The following STK3 variants were observed in gnomAD, a reference collection of about 807,000 sequenced individuals.
The protein encoded by STK3 is serine/threonine-protein kinase 3.
A neutral mutation model predicts 58.0 loss-of-function variants in STK3; 41 were observed. The ratio of observed to expected loss-of-function variants is 0.71; its 90% CI spans 0.55 to 0.92. The LOEUF (loss-of-function observed/expected upper bound fraction) is 0.92. Ranked by LOEUF, STK3 falls within the 40% of genes least tolerant of loss-of-function variation. The pLI is 0.00. For missense variants in STK3, 479 were observed against 602.7 expected, an observed-to-expected ratio of 0.79 and a Z score of 2.15; for synonymous variants, 170 against 191.0, an observed-to-expected ratio of 0.89 and a Z score of 0.91.
Position 98,553,314 on chromosome 8 carries a change from T to G in STK3, c.949-5153A>C, listed in dbSNP as rs555035877. On this transcript the variant is annotated intron_variant, in intron 8 of 10. Coordinates refer to ENST00000419617, the MANE Select transcript of STK3 (RefSeq NM_006281.4). ...TGCTGATTTTACAGTACTGTAATTG[T>G]CTATTCACTTACCTTGTCTAAATCC... The G allele has an allele frequency of 2.0e-5, 3 of 152,280 alleles. No individual in the cohort carries two copies. In the South Asian group the frequency reaches 6.2e-4, roughly 32 times the overall value. 9.4% of individuals were successfully genotyped at this position (152,280 alleles called of 1,614,324 possible).
chr8:98,861,543 TCA>T, intron 3 of STK3, among the ~76,000 whole-genome samples: 1 of 152,016 alleles, frequency 6.6e-6, no homozygotes, highest in Non-Finnish European at 1.5e-5. Flanking sequence ...AGACGGGGTT[TCA>T]CAGTGTTGCC....
intron 3 of STK3, among the ~76,000 whole-genome samples, chr8:98,841,500 C>T (rs1835979381): frequency 6.6e-6 from 1 of 151,566 alleles, no homozygotes; most frequent in African/African-American, 2.4e-5. Context: ...AATAATTCTA[C>T]CATTTCACCT....
intron 1 of STK3, among the ~76,000 whole-genome samples, chr8:98,884,105 C>T (rs1213160249): frequency 3.3e-5 from 5 of 152,144 alleles, no homozygotes; most frequent in Non-Finnish European, 5.9e-5. Flanking sequence ...CGTCACTGAG[C>T]CCTTACCACC....
rs761932638 is a variant in STK3 at position 98,429,054 on chromosome 8, G to T, written n.483+5073C>A. On this transcript the variant is annotated intron_variant and non_coding_transcript_variant, in intron 3 of 3. Coordinates refer to the STK3 transcript ENST00000517832. ...TGAAAAGGAGGAGAACGAGGGCCTGGCCACCATCCCTGCCTGCTGGTGGTG... is the reference window on the plus strand; with the variant it reads ...TGAAAAGGAGGAGAACGAGGGCCTGTCCACCATCCCTGCCTGCTGGTGGTG... 5 of 1,613,110 alleles carry T rather than the reference G, an allele frequency of 3.1e-6. No individual in the cohort carries two copies. The Admixed American group carries it at 5.0e-5, about 16-fold the overall frequency.
chr8:98,427,141 C>G (rs1015496261), intron 3 of STK3: 1 of 149,916 alleles, frequency 6.7e-6, no homozygotes, highest in African/African-American at 2.4e-5. Flanking sequence ...TCGGCAGCTG[C>G]GGGCGGCGGC....
At chr8:98,903,578 G>T (rs1838769247) in intron 1 of STK3, among the ~76,000 whole-genome samples, 1 of 121,442 alleles carries the variant, frequency 8.2e-6, no homozygotes. Flanking sequence ...TTTAAGTGGG[G>T]CCTTGCTCTG....
chr8:98,818,698 A>C (rs16897111), intron 1 of STK3, among the ~76,000 whole-genome samples: 5,156 of 152,300 alleles, frequency 0.034, 116 homozygotes, highest in South Asian at 0.068. Context: ...AATTATCATT[A>C]ATGTTAACAC....
At chr8:98,728,310 A>G (rs1827930090) in intron 4 of STK3, among the ~76,000 whole-genome samples, 1 of 152,272 alleles carries the variant, frequency 6.6e-6, no homozygotes, top group African/African-American at 2.4e-5. Context: ...TCTTCTGTTC[A>G]ACACAAAGTA....
At chr8:98,583,782 G>C (rs1477472422) in intron 7 of STK3, among the ~76,000 whole-genome samples, 1 of 151,778 alleles carries the variant, frequency 6.6e-6, no homozygotes, top group African/African-American at 2.4e-5. Flanking sequence ...GTCTATATTA[G>C]TTTAAGAAGT....
chr8:98,568,319 G>C (rs1269695820), intron 8 of STK3, among the ~76,000 whole-genome samples: 2 of 152,066 alleles, frequency 1.3e-5, no homozygotes, highest in African/African-American at 4.8e-5. Flanking sequence ...ACAGTATATG[G>C]GAGATGTCAA....
intron 6 of STK3, among the ~76,000 whole-genome samples, chr8:98,649,602 T>C (rs1820711592): frequency 6.6e-6 from 1 of 152,220 alleles, no homozygotes; most frequent in South Asian, 2.1e-4. Context: ...CATATTAAAT[T>C]CCCAACAGAC....
In STK3 at chr8:98,825,515, C is replaced by A; in HGVS notation, c.26G>T (p.Ser9Ile). 6.9e-7 allele frequency: 1 copy of A among 1,458,374 alleles called. No homozygotes were observed. Among genetic ancestry groups the A allele is most frequent in the Non-Finnish European group, 9.1e-7 (1 of 1,099,792 alleles). The allele number at this position is 1,458,374 out of a possible 1,614,324, so 90.3% of individuals were successfully genotyped here. ...TTCTTCCCGCTCCCCGATTCGTTACCTCTTAGGCGCCGGCGGCTGCTCCAT... is the reference window on the plus strand; with the variant it reads ...TTCTTCCCGCTCCCCGATTCGTTACATCTTAGGCGCCGGCGGCTGCTCCAT... Reference protein sequence around the residue: MEQPPAPKSKLKKLSEDSL... With the variant: MEQPPAPKIKLKKLSEDSL... The change falls in exon 1 of 11, where the codon AGT becomes ATT. Residue 9 changes from serine (S) to isoleucine (I), a missense_variant and splice_region_variant. By Grantham distance (142) the Ser-to-Ile change is moderately radical (BLOSUM62 -2). Around this residue, in one of 3 missense-constraint regions of STK3, gnomAD observed 44 missense variants for 37.0 expected, o/e 1.19. Transcript: ENST00000419617.
intron 10 of STK3, among the ~76,000 whole-genome samples, chr8:98,505,281 G>C (rs1282054198): frequency 2.0e-5 from 3 of 152,108 alleles, no homozygotes; most frequent in African/African-American, 7.2e-5. Flanking sequence ...ATTCTAGTTA[G>C]CCATTAGTCT....
At chr8:98,587,817 T>C (rs1814799868) in intron 7 of STK3, among the ~76,000 whole-genome samples, 1 of 152,178 alleles carries the variant, frequency 6.6e-6, no homozygotes, top group African/African-American at 2.4e-5. Context: ...TATAGTTAGC[T>C]CTTCTTGTTG....
At chr8:98,725,484 C>A (rs1827733107) in intron 4 of STK3, among the ~76,000 whole-genome samples, 1 of 152,056 alleles carries the variant, frequency 6.6e-6, no homozygotes, top group Non-Finnish European at 1.5e-5. Context: ...GTTAAAAGTA[C>A]AGATAATTAT....
At chr8:98,480,295 CAGAG>C (rs141390683) in intron 10 of STK3, among the ~76,000 whole-genome samples, 3,549 of 151,966 alleles carry the variant, frequency 0.023, 337 homozygotes, top group East Asian at 0.17. Flanking sequence ...TGAAAGGAGA[CAGAG>C]AGAAAAAAAC....
intron 1 of STK3, among the ~76,000 whole-genome samples, chr8:98,903,895 GA>G (rs1464423967): frequency 6.6e-6 from 1 of 152,100 alleles, no homozygotes; most frequent in East Asian, 1.9e-4. Flanking sequence ...TCAGCCTAAA[GA>G]AATAAGAAAC....
At chr8:98,512,545 A>T (rs916888367) in intron 10 of STK3, among the ~76,000 whole-genome samples, 16 of 152,198 alleles carry the variant, frequency 1.1e-4, no homozygotes, top group African/African-American at 3.9e-4. Context: ...TATTTGTATG[A>T]AGCTAAAAAT....
the STK3 span, among the ~76,000 whole-genome samples, chr8:98,350,063 C>T: frequency 6.6e-6 from 1 of 152,150 alleles, no homozygotes; most frequent in Non-Finnish European, 1.5e-5. Context: ...CATTGTCAGG[C>T]TGCAATTTTT....
Sources: gnomAD v4.1 joint callset for allele counts (sites outside exome capture counted in the v4.1 genomes callset) on GRCh38, gnomAD v4.1.1 for gene constraint, gnomAD v4.1.1 regional missense constraint, MANE v1.5 for transcripts, NCBI Gene and HGNC (gene_info 2026-07-23, HGNC 2026-07-21) for gene names.